Variants in DPY19L2 observed in about 807,000 individuals in gnomAD.
The protein encoded by DPY19L2 is dpy-19 like 2.
DPY19L2 carries 34 observed loss-of-function variants against 97.9 expected under a neutral mutation model. The observed-to-expected ratio is 0.35, with a 90% confidence interval of 0.26 to 0.46. The LOEUF (loss-of-function observed/expected upper bound fraction) is 0.46, where lower values mean the gene tolerates loss of function less well. Among genes scored for constraint, DPY19L2 ranks in the 20% least tolerant of loss-of-function variants. The probability of loss-of-function intolerance (pLI) is 1.00; values close to 1 mark genes in which losing one functional copy is unlikely to be tolerated. For synonymous variants in DPY19L2, 230 were observed against 307.9 expected, an observed-to-expected ratio of 0.75 and a Z score of 2.65; for missense variants, 623 against 911.4, an observed-to-expected ratio of 0.68 and a Z score of 4.07.
chr12:63,637,401 T>TA (rs753601481), intron 6 of DPY19L2, among the ~76,000 whole-genome samples: 2 of 151,832 alleles, frequency 1.3e-5, no homozygotes, highest in East Asian at 1.9e-4. Flanking sequence ...AAAAACTCTT[T>TA]AAAAAATCAA....
At chr12:63,614,056 G>A (rs905067708) in intron 11 of DPY19L2, among the ~76,000 whole-genome samples, 1 of 151,788 alleles carries the variant, frequency 6.6e-6, no homozygotes, top group Non-Finnish European at 1.5e-5. Context: ...TGGACGTGGT[G>A]GCAGGCGCCT....
chr12:63,652,976 A>G (rs1235117691), intron 4 of DPY19L2, among the ~76,000 whole-genome samples: 1 of 152,200 alleles, frequency 6.6e-6, no homozygotes, highest in Non-Finnish European at 1.5e-5. Flanking sequence ...ACACATAAAG[A>G]AAAGTCAAAA....
At chr12:63,613,546 A>C (rs1887353163) in intron 11 of DPY19L2, among the ~76,000 whole-genome samples, 1 of 152,172 alleles carries the variant, frequency 6.6e-6, no homozygotes, top group Non-Finnish European at 1.5e-5. Flanking sequence ...CAAAACTTAC[A>C]TTTCAAAATG....
chr12:63,651,410 T>G (rs1401907934), intron 4 of DPY19L2, among the ~76,000 whole-genome samples: 1 of 151,998 alleles, frequency 6.6e-6, no homozygotes, highest in East Asian at 1.9e-4. Flanking sequence ...TGCAAACTAA[T>G]TAAATTAAAG....
At chr12:63,646,176 C>A (rs1381335981) in intron 5 of DPY19L2, among the ~76,000 whole-genome samples, 7 of 152,156 alleles carry the variant, frequency 4.6e-5, no homozygotes, top group Admixed American at 4.6e-4. Flanking sequence ...AGCATAAGCT[C>A]TATGAGGGTA....
chr12:63,668,311 G>A lies in DPY19L2; in HGVS notation c.83C>T (p.Ala28Val). 6.2e-7 allele frequency: 1 copy of A among 1,613,926 alleles called. No homozygotes were observed. Among genetic ancestry groups the A allele is most frequent in the Non-Finnish European group, 8.5e-7 (1 of 1,179,916 alleles). ...QSKGRRGASL[A>V]REPEVEEEME... ...CTCCTCCTCTACCTCCGGCTCCCGG[G>A]CGAGGGAGGCCCCGCGCCGCCCCTT... is the stretch of plus-strand genomic sequence containing the variant. Residue 28 changes from alanine (A) to valine (V), a missense_variant, in exon 1 of 22, where the codon GCC becomes GTC. Physicochemically the swap from Ala to Val is moderately conservative, Grantham distance 64. Around this residue, in one of 6 missense-constraint regions of DPY19L2, gnomAD observed 144 missense variants for 119.4 expected, o/e 1.21. Transcript: ENST00000324472.
At chr12:63,666,925 C>T (rs1485861265) in intron 1 of DPY19L2, among the ~76,000 whole-genome samples, 2 of 152,048 alleles carry the variant, frequency 1.3e-5, no homozygotes, top group South Asian at 2.1e-4. Context: ...CAAATTAATT[C>T]AATAATTATT....
rs544581428 is a variant in DPY19L2 at position 63,649,817 on chromosome 12, T to A, written c.589-2452A>T. 1.8e-3 allele frequency among the ~76,000 whole-genome samples: 275 copies of A among 152,242 alleles called. 1 individual carries two copies. Among genetic ancestry groups the A allele is most frequent in the African/African-American group, 6.4e-3 (264 of 41,542 alleles). ...CTTGAGGGATTCCTCCCTTACTCAT[T>A]CTATAAGGCTAACATCATTCTGATG... On this transcript the variant is annotated intron_variant, in intron 4 of 21. Transcript: ENST00000324472.
intron 4 of DPY19L2, among the ~76,000 whole-genome samples, chr12:63,657,522 C>T (rs1895123456): frequency 6.6e-6 from 1 of 151,900 alleles, no homozygotes; most frequent in Admixed American, 6.6e-5. Context: ...CATAAGTGTT[C>T]CTTCCTCAAG....
intron 11 of DPY19L2, among the ~76,000 whole-genome samples, chr12:63,610,018 A>G (rs1169420579): frequency 6.6e-6 from 1 of 152,016 alleles, no homozygotes; most frequent in Non-Finnish European, 1.5e-5. Context: ...GTAAATCCAC[A>G]GTAGAACACT....
rs770320993 is a variant in DPY19L2, at chr12:63,594,463, T to TTGTGTGTGTGTGTGTGTG, written c.1534-331_1534-330insCACACACACACACACACA. On this transcript the variant is annotated intron_variant, in intron 15 of 21. Coordinates refer to ENST00000324472, the MANE Select transcript of DPY19L2 (RefSeq NM_173812.5). ...GCTGCAGGGATGAGAGAGAGAGAGA[T>TTGTGTGTGTGTGTGTGTG]AGTGTGTGTGTGTGTGTGTGTGTGT... Among the ~76,000 whole-genome samples, 9 of 71,232 alleles carry TTGTGTGTGTGTGTGTGTG rather than the reference T, an allele frequency of 1.3e-4. No individual in the cohort carries two copies. In the South Asian group the frequency reaches 3.6e-3, roughly 28 times the overall value. 46.7% of individuals were successfully genotyped at this position (71,232 alleles called of 152,430 possible).
chr12:63,625,744 A>G (rs1208594070), intron 7 of DPY19L2, among the ~76,000 whole-genome samples: 1 of 152,140 alleles, frequency 6.6e-6, no homozygotes, highest in African/African-American at 2.4e-5. Flanking sequence ...CCCTGCTGTC[A>G]GGCCTGAGGC....
intron 6 of DPY19L2, among the ~76,000 whole-genome samples, chr12:63,643,607 A>C (rs1892999115): frequency 6.6e-6 from 1 of 152,218 alleles, no homozygotes; most frequent in Non-Finnish European, 1.5e-5. Flanking sequence ...TCATTCAACA[A>C]GAAAATGAAA....
chr12:63,561,441 A>G (rs1012787322), intron 21 of DPY19L2, among the ~76,000 whole-genome samples: 3 of 152,116 alleles, frequency 2.0e-5, no homozygotes, highest in Non-Finnish European at 4.4e-5. Context: ...ATCTTCCCCA[A>G]ACATGGCCTC....
intron 4 of DPY19L2, chr12:63,651,695 G>A (rs899154501): frequency 6.6e-6 from 3 of 453,692 alleles, no homozygotes; most frequent in African/African-American, 4.0e-5. Flanking sequence ...TTTTCCAGAA[G>A]TATGCTGGAA....
At chr12:63,575,734 T>C (rs1389036174) in intron 19 of DPY19L2, among the ~76,000 whole-genome samples, 1 of 151,850 alleles carries the variant, frequency 6.6e-6, no homozygotes, top group Non-Finnish European at 1.5e-5. Flanking sequence ...CCTACCAAGA[T>C]TGAACTATAT....
chr12:63,637,091 G>C (rs1045882374), intron 6 of DPY19L2, among the ~76,000 whole-genome samples: 3 of 152,140 alleles, frequency 2.0e-5, no homozygotes, highest in Non-Finnish European at 2.9e-5. Flanking sequence ...CTGTCTCTCA[G>C]ATCATAGGGC....
intron 12 of DPY19L2, among the ~76,000 whole-genome samples, chr12:63,605,533 G>A (rs9652018): frequency 0.17 from 26,510 of 151,922 alleles, 3,188 homozygotes; most frequent in African/African-American, 0.36. Context: ...ACACACACAC[G>A]TGTGCACACA....
chr12:63,582,619 G>C, intron 17 of DPY19L2, 94 bp from the exon 18 acceptor site: 4 of 1,312,222 alleles, frequency 3.0e-6, no homozygotes, highest in Non-Finnish European at 4.1e-6. Flanking sequence ...TTAAGACAAG[G>C]ATCTTCTAAC....
Sources: allele counts gnomAD v4.1 joint callset (sites outside exome capture counted in the v4.1 genomes callset), GRCh38; gene constraint gnomAD v4.1.1; regional missense constraint gnomAD v4.1.1; transcripts MANE v1.5; gene names NCBI Gene and HGNC (gene_info 2026-07-23, HGNC 2026-07-21).